The following AP2A2 variants were observed in gnomAD, a reference collection of about 807,000 sequenced individuals.
The protein encoded by AP2A2 is AP-2 complex subunit alpha-2.
In AP2A2, 32 loss-of-function variants were observed where a neutral mutation model predicts 104.2. That is an observed-to-expected ratio of 0.31 (90% CI 0.23 to 0.41). The LOEUF (loss-of-function observed/expected upper bound fraction) is 0.41. Among genes scored for constraint, AP2A2 ranks in the 10% least tolerant of loss-of-function variants. AP2A2 has a pLI of 1.00. For synonymous variants in AP2A2, 539 were observed against 533.3 expected (o/e 1.01, Z -0.15); for missense variants, 912 against 1,261.0 (o/e 0.72, Z 4.19).
chr11:932,857 C>A, intron 1 of AP2A2: 1 of 410,502 alleles, frequency 2.4e-6, no homozygotes, highest in Non-Finnish European at 4.9e-6. Flanking sequence ...ACTATTACTT[C>A]TCTTTCCTCT....
Position 958,174 on chromosome 11 carries a change from C to T in AP2A2, c.68-1263C>T, listed in dbSNP as rs1012172869. ...GTGGCCTTGTAAGAGGAAGAGAGAG[C>T]GTGCTCGCTTCATAAGCATGCGTCA... On this transcript the variant is annotated intron_variant, in intron 1 of 21. Transcript: ENST00000448903. Among the ~76,000 whole-genome samples, 5 of 152,196 alleles carry T rather than the reference C, an allele frequency of 3.3e-5. No individual in the cohort carries two copies. The South Asian group carries it at 6.2e-4, about 19-fold the overall frequency.
At chr11:961,101 G>A (rs1000956779) in intron 2 of AP2A2, among the ~76,000 whole-genome samples, 26 of 152,280 alleles carry the variant, frequency 1.7e-4, no homozygotes, top group African/African-American at 6.0e-4. Context: ...AGCAGATGGA[G>A]ATGTGGGTCT....
chr11:938,384 G>A (rs561824581), intron 1 of AP2A2, among the ~76,000 whole-genome samples: 3 of 152,056 alleles, frequency 2.0e-5, no homozygotes, highest in Non-Finnish European at 4.4e-5. Flanking sequence ...ATCATTCCTC[G>A]CATCGATTAC....
intron 1 of AP2A2, 71 bp downstream of exon 1, chr11:926,159 CGGGG>C: frequency 1.1e-6 from 1 of 901,768 alleles, no homozygotes; most frequent in Non-Finnish European, 1.4e-6. Flanking sequence ...AGCGGAGGCC[CGGGG>C]CGGGGCCTCG....
chr11:972,190 C>T lies in AP2A2; in HGVS notation c.408C>T (p.Ala136=), dbSNP rs200256869. The T allele has an allele frequency of 1.6e-5, 25 of 1,612,272 alleles. No individual in the cohort carries two copies. The African/African-American group carries it at 2.8e-4, about 18-fold the overall frequency. ...TFMGLALHCI[A]SVGSREMAEA... Reference sequence around the variant, plus strand: ...TGGGCCTGGCCCTGCACTGCATCGCCAGCGTGGGCAGCCGGGAGATGGCCG... The same window carrying T: ...TGGGCCTGGCCCTGCACTGCATCGCTAGCGTGGGCAGCCGGGAGATGGCCG... The change falls in exon 4 of 22, where the codon GCC becomes GCT. Residue 136 remains alanine (A), a synonymous_variant. Transcript: ENST00000448903.
chr11:983,663 G>A (rs76638359), intron 6 of AP2A2, among the ~76,000 whole-genome samples: 2,155 of 152,162 alleles, frequency 0.014, 47 homozygotes, highest in East Asian at 0.048. Context: ...GATTACAGGC[G>A]GGAGCCACCG....
chr11:951,773 C>T (rs1014680483), intron 1 of AP2A2, among the ~76,000 whole-genome samples: 1 of 152,230 alleles, frequency 6.6e-6, no homozygotes, highest in Non-Finnish European at 1.5e-5. Context: ...TGGCTGACTG[C>T]TGTGCTAACC....
chr11:941,459 T>C (rs908576899), intron 1 of AP2A2, among the ~76,000 whole-genome samples: 1 of 152,174 alleles, frequency 6.6e-6, no homozygotes, highest in African/African-American at 2.4e-5. Context: ...AATTTTTATT[T>C]TTTTTAGAGA....
chr11:953,621 CCG>C (rs1854126906), intron 1 of AP2A2, among the ~76,000 whole-genome samples: 1 of 44,610 alleles, frequency 2.2e-5, no homozygotes, highest in Admixed American at 5.2e-4. Context: ...CGTCCTGGCT[CCG>C]TCTGCCTCCG....
chr11:961,046 CAGA>C (rs1172468409), intron 2 of AP2A2, among the ~76,000 whole-genome samples: 5 of 152,054 alleles, frequency 3.3e-5, no homozygotes, highest in Admixed American at 2.0e-4. Flanking sequence ...GGGCTGTGTA[CAGA>C]AGATTTATTC....
chr11:991,779 A>T (rs964161471), intron 10 of AP2A2, among the ~76,000 whole-genome samples: 2 of 68,790 alleles, frequency 2.9e-5, no homozygotes, highest in Non-Finnish European at 6.0e-5. Flanking sequence ...GGGTGTGGGG[A>T]GGGGCGGCAG....
rs143107895 is a variant in AP2A2, at chr11:1,005,750, G to A, written c.2207-778G>A. 1.3e-3 allele frequency among the ~76,000 whole-genome samples: 196 copies of A among 152,322 alleles called. 1 individual carries two copies. Among genetic ancestry groups the A allele is most frequent in the Non-Finnish European group, 2.0e-3 (139 of 68,036 alleles). ...TGTCAGAGTGATTCCTGTGGGAAAC[G>A]CTGCATTGAAAACAGGTGGTGCCTT... On this transcript the variant is annotated intron_variant, in intron 16 of 21. Transcript: ENST00000448903.
chr11:1,004,249 G>A (rs1305946389), intron 16 of AP2A2, among the ~76,000 whole-genome samples: 1 of 152,222 alleles, frequency 6.6e-6, no homozygotes, highest in East Asian at 1.9e-4. Context: ...GAGGCAGGCA[G>A]ATCACTTGAG....
At chr11:935,330 T>C (rs376775465) in intron 1 of AP2A2, among the ~76,000 whole-genome samples, 19 of 152,140 alleles carry the variant, frequency 1.2e-4, no homozygotes, top group African/African-American at 4.6e-4. Flanking sequence ...ATGCTGGGAT[T>C]ACAGGTGTGA....
chr11:955,119 G>A (rs1035619400), intron 1 of AP2A2, among the ~76,000 whole-genome samples: 3 of 152,218 alleles, frequency 2.0e-5, no homozygotes, highest in Admixed American at 6.5e-5. Context: ...CAGGGAGAGA[G>A]CGCAAGGTCC....
intron 5 of AP2A2, among the ~76,000 whole-genome samples, chr11:978,600 C>T (rs1855133419): frequency 6.6e-6 from 1 of 152,226 alleles, no homozygotes; most frequent in Non-Finnish European, 1.5e-5. Flanking sequence ...CCCTGCTGCC[C>T]AGTACTTTCC....
In AP2A2 at chr11:993,995, C is replaced by A. The variant is rs748397499; in HGVS notation, c.1782+10C>A. On this transcript the variant is annotated intron_variant, in intron 13 of 21. Transcript: ENST00000448903. This position sits in a 1 kb window ranked among gnomAD's most constrained non-coding sequence, Gnocchi z 8.2. ...CAGCACCGACATTCTGGTAGGAGGC[C>A]CCCGCCCTTCGGGCTGGCTTGGCTG... The A allele has an allele frequency of 6.2e-7, 1 of 1,609,390 alleles. No homozygotes were observed. Among genetic ancestry groups the A allele is most frequent in the South Asian group, 1.1e-5 (1 of 90,960 alleles).
chr11:980,519 C>T (rs1257074590), intron 5 of AP2A2, among the ~76,000 whole-genome samples: 5 of 144,016 alleles, frequency 3.5e-5, no homozygotes, highest in African/African-American at 1.3e-4. Flanking sequence ...TGTCCTGGAG[C>T]GGTGACAGGC....
rs998528469 is a variant in AP2A2, at chr11:972,259, T to TGTGCCGGGCTC, written c.473+16_473+26dup. On this transcript the variant is annotated splice_donor_region_variant and intron_variant, in intron 4 of 21. Coordinates refer to ENST00000448903, the MANE Select transcript of AP2A2 (RefSeq NM_012305.4). ...TCCCTAAGGTCCTCGTAGCCGGGTATGTGCCGGGCTCGTGCCGGGCTCCTG... is the reference window on the plus strand; with the variant it reads ...TCCCTAAGGTCCTCGTAGCCGGGTATGTGCCGGGCTCGTGCCGGGCTCGTGCCGGGCTCCTG... 3.8e-6 allele frequency: 6 copies of TGTGCCGGGCTC among 1,582,938 alleles called. No individual in the cohort carries two copies. Among genetic ancestry groups the TGTGCCGGGCTC allele is most frequent in the African/African-American group, 1.3e-5 (1 of 74,294 alleles).
Sources: allele counts gnomAD v4.1 joint callset (sites outside exome capture counted in the v4.1 genomes callset), GRCh38; gene constraint gnomAD v4.1.1; non-coding constraint Gnocchi (gnomAD v3.1); transcripts MANE v1.5; gene names NCBI Gene and HGNC (gene_info 2026-07-23, HGNC 2026-07-21).